The following PLCB1 variants were observed in gnomAD, a reference collection of about 807,000 sequenced individuals.
PLCB1 encodes the protein phospholipase C beta 1, also known as 1-phosphatidylinositol 4,5-bisphosphate phosphodiesterase beta-1.
Under a neutral mutation model 161.8 loss-of-function variants are expected in PLCB1, and 46 were observed. The observed-to-expected ratio is 0.28, with a 90% CI of 0.22 to 0.36. The LOEUF is 0.36. PLCB1 is among the 10% of genes least tolerant of loss of function. PLCB1 has a pLI of 1.00. For synonymous variants in PLCB1, 517 were observed against 503.7 expected, an observed-to-expected ratio of 1.03 and a Z score of -0.35; for missense variants, 1,016 against 1,472.5, an observed-to-expected ratio of 0.69 and a Z score of 5.07.
intron 3 of PLCB1, among the ~76,000 whole-genome samples, chr20:8,516,944 A>G (rs1277306026): frequency 6.6e-6 from 1 of 152,018 alleles, no homozygotes; most frequent in Non-Finnish European, 1.5e-5. Context: ...AATAAGTAAG[A>G]TGCTCAATAT....
In PLCB1 at chr20:8,164,201, C is replaced by T. The variant is rs1361004896; in HGVS notation, c.177+13830C>T. ...AGTCCTTGGCAAAGGATTTTCGTGT[C>T]GAATTGGGCCATTAATCTAGGGAAA... On this transcript the variant is annotated intron_variant, in intron 2 of 31. Coordinates refer to ENST00000338037, the MANE Select transcript of PLCB1 (RefSeq NM_015192.4). Among the ~76,000 whole-genome samples, 8 of 152,030 alleles carry T rather than the reference C, an allele frequency of 5.3e-5. 1 individual carries two copies. Among genetic ancestry groups the T allele is most frequent in the South Asian group, 2.1e-4 (1 of 4,816 alleles).
chr20:8,446,176 C>T (rs1038378190), intron 3 of PLCB1, among the ~76,000 whole-genome samples: 13 of 152,108 alleles, frequency 8.5e-5, no homozygotes, highest in Admixed American at 2.0e-4. Flanking sequence ...GCTGGCAAAC[C>T]GAATCCAGCA....
rs541819231 is a variant in PLCB1, at chr20:8,192,634, A to G, written c.177+42263A>G. On this transcript the variant is annotated intron_variant, in intron 2 of 31. Coordinates refer to ENST00000338037, the MANE Select transcript of PLCB1 (RefSeq NM_015192.4). ...GTACTCATATCACTGTACTCACATC[A>G]TTTACAAGGAGTAAATGCTACATAA... Among the ~76,000 whole-genome samples the G allele has an allele frequency of 3.3e-4, 50 of 152,006 alleles. 1 individual carries two copies. The highest frequency in any genetic ancestry group is 1.2e-3 in the African/African-American group (49 of 41,488).
At chr20:8,477,551 T>C (rs1334609858) in intron 3 of PLCB1, among the ~76,000 whole-genome samples, 1 of 152,184 alleles carries the variant, frequency 6.6e-6, no homozygotes, top group African/African-American at 2.4e-5. Context: ...AGAAATTTAG[T>C]AATTTAGAAA....
chr20:8,484,315 A>G (rs7264065), intron 3 of PLCB1, among the ~76,000 whole-genome samples: 75,228 of 151,014 alleles, frequency 0.5, 19,464 homozygotes, highest in East Asian at 0.66. Context: ...ATGAGCCACT[A>G]CACCCGGCCA....
intron 3 of PLCB1, among the ~76,000 whole-genome samples, chr20:8,439,952 G>C (rs191252940): frequency 6.6e-6 from 1 of 152,184 alleles, no homozygotes; most frequent in African/African-American, 2.4e-5. Flanking sequence ...CTTAGGATTT[G>C]TAGGCTTATA....
At chr20:8,822,627 CGAGA>C (rs1985490307) in intron 31 of PLCB1, among the ~76,000 whole-genome samples, 1 of 152,022 alleles carries the variant, frequency 6.6e-6, no homozygotes, top group Non-Finnish European at 1.5e-5. Flanking sequence ...AGAGTTTCCA[CGAGA>C]AAGAAAAACT....
chr20:8,310,747 G>A (rs1318557294), intron 2 of PLCB1, among the ~76,000 whole-genome samples: 4 of 152,040 alleles, frequency 2.6e-5, no homozygotes, highest in South Asian at 2.1e-4. Context: ...TGGAGCCCCC[G>A]TGTCTATCGT....
intron 2 of PLCB1, among the ~76,000 whole-genome samples, chr20:8,322,658 T>C (rs1318933772): frequency 6.6e-6 from 1 of 152,184 alleles, no homozygotes; most frequent in Non-Finnish European, 1.5e-5. Context: ...CCTTAGATCA[T>C]CAGACATCAA....
At chr20:8,608,016 C>T (rs931448728) in intron 3 of PLCB1, among the ~76,000 whole-genome samples, 7 of 151,958 alleles carry the variant, frequency 4.6e-5, no homozygotes, top group African/African-American at 1.5e-4. Flanking sequence ...AATTTTTACT[C>T]GTCCAACAAT....
At chr20:8,409,205 A>G (rs1404924352) in intron 3 of PLCB1, among the ~76,000 whole-genome samples, 4 of 152,186 alleles carry the variant, frequency 2.6e-5, no homozygotes, top group African/African-American at 9.6e-5. Context: ...CTGGGTAAGG[A>G]AAGGGCTTTT....
At chr20:8,164,499 C>T (rs909811323) in intron 2 of PLCB1, among the ~76,000 whole-genome samples, 2 of 152,216 alleles carry the variant, frequency 1.3e-5, no homozygotes, top group Admixed American at 6.5e-5. Flanking sequence ...CAGGTGCTCA[C>T]TAGCCACCTG....
intron 3 of PLCB1, among the ~76,000 whole-genome samples, chr20:8,541,358 C>A: frequency 6.6e-6 from 1 of 152,148 alleles, no homozygotes; most frequent in East Asian, 1.9e-4. Context: ...AGATGAGTAA[C>A]ATAGTAGAAA....
chr20:8,808,384 G>A (rs1984646735), intron 31 of PLCB1, among the ~76,000 whole-genome samples: 1 of 152,072 alleles, frequency 6.6e-6, no homozygotes, highest in South Asian at 2.1e-4. Context: ...GCACACGCTG[G>A]CACTTCTTCC....
chr20:8,537,357 C>G (rs529280398), intron 3 of PLCB1, among the ~76,000 whole-genome samples: 1 of 152,268 alleles, frequency 6.6e-6, no homozygotes, highest in Non-Finnish European at 1.5e-5. Context: ...ACCAGTTAAA[C>G]TTTGCCATTT....
At chr20:8,818,456 A>G (rs536200777) in intron 31 of PLCB1, among the ~76,000 whole-genome samples, 15 of 152,358 alleles carry the variant, frequency 9.8e-5, no homozygotes, top group African/African-American at 3.6e-4. Flanking sequence ...GTAAGACAAG[A>G]AGAATAAATA....
chr20:8,305,886 A>C (rs1478659018), intron 2 of PLCB1: 1 of 152,198 alleles, frequency 6.6e-6, no homozygotes. Flanking sequence ...ATAGAGATGC[A>C]CATGAGAAAA....
chr20:8,879,427 A>G (rs1013519734), intron 31 of PLCB1, among the ~76,000 whole-genome samples: 3 of 152,196 alleles, frequency 2.0e-5, no homozygotes, highest in Non-Finnish European at 4.4e-5. Flanking sequence ...TACCATGAGC[A>G]TAACACTCCA....
intron 2 of PLCB1, among the ~76,000 whole-genome samples, chr20:8,203,138 T>C (rs2123129992): frequency 6.6e-6 from 1 of 151,996 alleles, no homozygotes; most frequent in South Asian, 2.1e-4. Flanking sequence ...GGCAGTGGCA[T>C]GGAGGATCAT....
Sources: gnomAD v4.1 joint callset for allele counts (sites outside exome capture counted in the v4.1 genomes callset) on GRCh38, gnomAD v4.1.1 for gene constraint, MANE v1.5 for transcripts, NCBI Gene and HGNC (gene_info 2026-07-23, HGNC 2026-07-21) for gene names.